The following ADAMTS12 variants were observed in gnomAD, a reference collection of about 807,000 sequenced individuals.
ADAMTS12 encodes the protein A disintegrin and metalloproteinase with thrombospondin motifs 12.
In ADAMTS12, 118 loss-of-function variants were observed where a neutral mutation model predicts 167.8. That is an observed-to-expected ratio of 0.70 (90% confidence interval 0.61 to 0.82). The LOEUF (loss-of-function observed/expected upper bound fraction) is 0.82, where lower values mean the gene tolerates loss of function less well. Among genes scored for constraint, ADAMTS12 ranks in the 40% least tolerant of loss-of-function variants. The probability of loss-of-function intolerance (pLI) is 0.00; values close to 1 mark genes in which losing one functional copy is unlikely to be tolerated. For synonymous variants in ADAMTS12, 704 were observed against 716.9 expected, an observed-to-expected ratio of 0.98 and a Z score of 0.29; for missense variants, 1,916 against 1,998.8, an observed-to-expected ratio of 0.96 and a Z score of 0.79.
chr5:33,646,728 G>A (rs1294294909), intron 9 of ADAMTS12, among the ~76,000 whole-genome samples: 2 of 107,340 alleles, frequency 1.9e-5, no homozygotes, highest in South Asian at 2.9e-4. Flanking sequence ...AAAATAACAC[G>A]TAATATGTTA....
intron 2 of ADAMTS12, among the ~76,000 whole-genome samples, chr5:33,827,710 AATAGATAGATAGATAGATAGATAG>A (rs60023282): frequency 3.3e-3 from 327 of 99,096 alleles, no homozygotes; most frequent in African/African-American, 0.011. Flanking sequence ...GAGAAAACAA[AATAGATAGATAGATAGATAGATAG>A]ATAGATAGAT....
At chr5:33,751,637 T>C in intron 2 of ADAMTS12, 89 bp from the exon 3 acceptor site, 1 of 1,290,922 alleles carries the variant, frequency 7.7e-7, no homozygotes, top group South Asian at 1.4e-5. Flanking sequence ...CTTATGAGTA[T>C]CTCTGAAACT....
intron 3 of ADAMTS12, among the ~76,000 whole-genome samples, chr5:33,740,279 C>T (rs1025366344): frequency 2.0e-4 from 31 of 152,286 alleles, no homozygotes; most frequent in African/African-American, 7.2e-4. Flanking sequence ...GCAAATAATA[C>T]AGCAGTCTCA....
chr5:33,867,490 A>G (rs1459602752), intron 2 of ADAMTS12, among the ~76,000 whole-genome samples: 1 of 152,136 alleles, frequency 6.6e-6, no homozygotes, highest in African/African-American at 2.4e-5. Context: ...TGAGTGATAA[A>G]AAAAACCACA....
At chr5:33,573,289 C>G (rs1179612523) in intron 19 of ADAMTS12, among the ~76,000 whole-genome samples, 1 of 151,900 alleles carries the variant, frequency 6.6e-6, no homozygotes, top group Non-Finnish European at 1.5e-5. Flanking sequence ...CCCACATCAC[C>G]AAGTCAATCC....
intron 18 of ADAMTS12, among the ~76,000 whole-genome samples, chr5:33,582,933 C>T (rs1057108710): frequency 5.9e-5 from 9 of 152,124 alleles, no homozygotes; most frequent in African/African-American, 1.9e-4. Context: ...GAAATAAGCA[C>T]GTCATAGAGA....
chr5:33,647,611 A>T (rs758035264), intron 9 of ADAMTS12, among the ~76,000 whole-genome samples: 2 of 152,154 alleles, frequency 1.3e-5, no homozygotes, highest in African/African-American at 2.4e-5. Context: ...CATACCCGTA[A>T]TCCCAGCTAC....
chr5:33,740,272 A>C (rs1449637655), intron 3 of ADAMTS12, among the ~76,000 whole-genome samples: 1 of 152,256 alleles, frequency 6.6e-6, no homozygotes, highest in Non-Finnish European at 1.5e-5. Flanking sequence ...ATCTATAGCA[A>C]ATAATACAGC....
At chr5:33,696,185 G>T (rs561879356) in intron 3 of ADAMTS12, among the ~76,000 whole-genome samples, 36 of 152,168 alleles carry the variant, frequency 2.4e-4, no homozygotes, top group African/African-American at 8.7e-4. Flanking sequence ...ACTTTGGGAG[G>T]CCAAGTCGGG....
At chr5:33,585,440 C>G (rs563460271) in intron 18 of ADAMTS12, among the ~76,000 whole-genome samples, 2 of 152,304 alleles carry the variant, frequency 1.3e-5, no homozygotes, top group South Asian at 2.1e-4. Flanking sequence ...GCCTGAAATG[C>G]CTTTGGAAAG....
chr5:33,775,262 AG>A (rs2100125035), intron 2 of ADAMTS12, among the ~76,000 whole-genome samples: 1 of 152,216 alleles, frequency 6.6e-6, no homozygotes, highest in African/African-American at 2.4e-5. Flanking sequence ...TAATAATTAA[AG>A]CTATTATGTC....
chr5:33,805,218 A>G (rs569974622), intron 2 of ADAMTS12, among the ~76,000 whole-genome samples: 18 of 152,288 alleles, frequency 1.2e-4, no homozygotes, highest in African/African-American at 4.3e-4. Context: ...AGGCTCCCCA[A>G]ATACTTCCAC....
At chr5:33,545,191 G>C (rs1446991131) in intron 22 of ADAMTS12, among the ~76,000 whole-genome samples, 7 of 152,180 alleles carry the variant, frequency 4.6e-5, no homozygotes, top group Admixed American at 2.6e-4. Context: ...CCATCAAAAA[G>C]TGGGCAAAGG....
chr5:33,687,667 T>C (rs1482707521), intron 3 of ADAMTS12, among the ~76,000 whole-genome samples: 1 of 152,240 alleles, frequency 6.6e-6, no homozygotes, highest in Non-Finnish European at 1.5e-5. Flanking sequence ...CCGGAAGCTT[T>C]GCGGAAGTGG....
At chr5:33,530,588 G>C (rs890162693) in intron 23 of ADAMTS12, among the ~76,000 whole-genome samples, 1 of 152,206 alleles carries the variant, frequency 6.6e-6, no homozygotes, top group African/African-American at 2.4e-5. Flanking sequence ...GTGCTCTAGG[G>C]TTGCTGGCCA....
chr5:33,574,869 C>A (rs547875021), intron 19 of ADAMTS12, among the ~76,000 whole-genome samples: 18 of 152,112 alleles, frequency 1.2e-4, no homozygotes, highest in Admixed American at 5.2e-4. Flanking sequence ...CTTTAACTGG[C>A]GAGATGAGTC....
chr5:33,660,800 C>T (rs140093382), intron 6 of ADAMTS12, among the ~76,000 whole-genome samples: 1 of 152,328 alleles, frequency 6.6e-6, no homozygotes, highest in East Asian at 1.9e-4. Flanking sequence ...TACCTACTGT[C>T]ACAGGCTTAT....
At chr5:33,696,996 C>T (rs752090789) in intron 3 of ADAMTS12, among the ~76,000 whole-genome samples, 10 of 152,244 alleles carry the variant, frequency 6.6e-5, no homozygotes, top group Non-Finnish European at 1.5e-4. Context: ...CCACTAATTC[C>T]TTGTTAGCCC....
chr5:33,635,701 G>GA (rs1478105895), intron 12 of ADAMTS12, among the ~76,000 whole-genome samples: 3 of 152,168 alleles, frequency 2.0e-5, no homozygotes, highest in Admixed American at 1.3e-4. Context: ...ATCTGGCACA[G>GA]AAAAAATGCT....
Sources: gnomAD v4.1 joint callset for allele counts (sites outside exome capture counted in the v4.1 genomes callset) on GRCh38, gnomAD v4.1.1 for gene constraint, MANE v1.5 for transcripts, NCBI Gene and HGNC (gene_info 2026-07-23, HGNC 2026-07-21) for gene names.